OTULIN: variants seen among roughly 807,000 people sequenced by gnomAD.
OTULIN encodes OTU deubiquitinase with linear linkage specificity.
OTULIN carries 15 observed loss-of-function variants against 39.6 expected under a neutral mutation model. The ratio of observed to expected loss-of-function variants is 0.38; its 90% confidence interval spans 0.25 to 0.58. The LOEUF (loss-of-function observed/expected upper bound fraction) is 0.58, where lower values mean the gene tolerates loss of function less well. Ranked by LOEUF, OTULIN falls within the 20% of genes least tolerant of loss-of-function variation. The probability of loss-of-function intolerance (pLI) is 0.66; values close to 1 mark genes in which losing one functional copy is unlikely to be tolerated. For missense variants in OTULIN, 319 were observed against 445.9 expected, an observed-to-expected ratio of 0.72 and a Z score of 2.56; for synonymous variants, 156 against 170.3, an observed-to-expected ratio of 0.92 and a Z score of 0.65.
At chr5:14,689,893 T>G (rs1053191223) in intron 5 of OTULIN, 146 bp from the exon 6 acceptor site, 6 of 785,400 alleles carry the variant, frequency 7.6e-6, no homozygotes, top group Non-Finnish European at 1.2e-5. Flanking sequence ...AGTGTACCAT[T>G]TGTTAATCTG....
chr5:14,712,952 G>A, the OTULIN span: 29 of 1,613,088 alleles, frequency 1.8e-5, no homozygotes, highest in East Asian at 2.2e-5. Context: ...GGGAGCCCAC[G>A]CCCAGGGTCG....
chr5:14,672,630 T>C (rs1736007151), intron 1 of OTULIN, among the ~76,000 whole-genome samples: 1 of 152,094 alleles, frequency 6.6e-6, no homozygotes, highest in Non-Finnish European at 1.5e-5. Flanking sequence ...TATGTGAAGG[T>C]CAGCTAGTCT....
the OTULIN span, among the ~76,000 whole-genome samples, chr5:14,714,610 G>C: frequency 6.6e-6 from 1 of 152,174 alleles, no homozygotes; most frequent in African/African-American, 2.4e-5. Context: ...CTTCCTCTGG[G>C]TGGAAGCCTT....
At chr5:14,714,199 A>AAT in the OTULIN span, among the ~76,000 whole-genome samples, 1 of 152,270 alleles carries the variant, frequency 6.6e-6, no homozygotes, top group African/African-American at 2.4e-5. Flanking sequence ...ACTTCCACCG[A>AAT]GGTCACTTCC....
rs765345138 is a variant in OTULIN at position 14,678,672 on chromosome 5, C to A, written c.230-9C>A. ...TATTTGCTTTTTTTTTTTTTAAATT[C>A]TTTAACAGAACCGAGATTAAGCGTA... On this transcript the variant is annotated splice_polypyrimidine_tract_variant and intron_variant, in intron 2 of 6. Coordinates refer to ENST00000284274, the MANE Select transcript of OTULIN (RefSeq NM_138348.6). 12 of 1,458,866 alleles carry A rather than the reference C, an allele frequency of 8.2e-6. No individual in the cohort carries two copies. The highest frequency in any genetic ancestry group is 2.5e-5 in the East Asian group (1 of 40,694). 90.4% of individuals were successfully genotyped at this position (1,458,866 alleles called of 1,614,324 possible).
chr5:14,709,897 ATATATT>A, the OTULIN span: 4 of 152,632 alleles, frequency 2.6e-5, no homozygotes, highest in Admixed American at 6.5e-5. Flanking sequence ...CATATACAGC[ATATATT>A]TATATCTTTA....
At chr5:14,713,526 A>T in the OTULIN span, 1 of 1,613,892 alleles carries the variant, frequency 6.2e-7, no homozygotes, top group Non-Finnish European at 8.5e-7. This position sits in a 1 kb window ranked among gnomAD's most constrained non-coding sequence, Gnocchi z 4.4. Flanking sequence ...CACAGCCCCA[A>T]ACTCCCTGAC....
intron 4 of OTULIN, among the ~76,000 whole-genome samples, chr5:14,683,456 G>A (rs935444877): frequency 6.6e-6 from 1 of 152,206 alleles, no homozygotes; most frequent in Non-Finnish European, 1.5e-5. Flanking sequence ...GTTGGCGAAA[G>A]CATTCCTATG....
the OTULIN span, chr5:14,709,948 A>T: frequency 6.6e-6 from 1 of 152,284 alleles, no homozygotes; most frequent in African/African-American, 2.4e-5. Flanking sequence ...TCAGTCTAGG[A>T]ATTCTGACTA....
In OTULIN at chr5:14,693,303, TC is replaced by T. The variant is rs1479017125; in HGVS notation, c.*256del. 1.1e-5 allele frequency: 4 copies of T among 353,384 alleles called. No homozygotes were observed. The highest frequency in any genetic ancestry group is 2.0e-5 in the Non-Finnish European group (4 of 196,670). The allele number at this position is 353,384 out of a possible 1,614,324, so 21.9% of individuals were successfully genotyped here. A position where few individuals can be genotyped will look rare whatever the true frequency, so the allele number is the denominator to read the frequency against. ...CACCTGTTGGACGGTGCAAACCATA[TC>T]TTCTCCAGAAGGCAAATACTTTTGT... On this transcript the variant is annotated 3_prime_UTR_variant, in exon 7 of 7. Transcript: ENST00000284274.
chr5:14,713,516 C>G, the OTULIN span: 1 of 1,613,576 alleles, frequency 6.2e-7, no homozygotes. This position sits in a 1 kb window ranked among gnomAD's most constrained non-coding sequence, Gnocchi z 4.4. Flanking sequence ...CAGAAGGACC[C>G]ACAGCCCCAA....
downstream of OTULIN, among the ~76,000 whole-genome samples, chr5:14,700,298 T>G (rs1230939064): frequency 6.6e-6 from 1 of 152,024 alleles, no homozygotes; most frequent in Non-Finnish European, 1.5e-5. Context: ...TCACTCAGAG[T>G]ATTTTAGTTC....
chr5:14,679,361 G>C (rs76024344), intron 3 of OTULIN, among the ~76,000 whole-genome samples: 1,730 of 152,266 alleles, frequency 0.011, 31 homozygotes, highest in African/African-American at 0.04. Flanking sequence ...CCACACAGCT[G>C]ATCAAGCAGC....
intron 5 of OTULIN, among the ~76,000 whole-genome samples, chr5:14,689,629 G>T (rs1042971523): frequency 6.6e-6 from 1 of 152,174 alleles, no homozygotes; most frequent in Non-Finnish European, 1.5e-5. Context: ...ATTTAGGAGG[G>T]TTGGCTTTGT....
At chr5:14,668,654 T>G (rs556651767) in intron 1 of OTULIN, among the ~76,000 whole-genome samples, 4 of 152,202 alleles carry the variant, frequency 2.6e-5, no homozygotes, top group Non-Finnish European at 5.9e-5. Flanking sequence ...GAGAGTTGAA[T>G]TAAAAAAAGC....
chr5:14,711,196 C>T, the OTULIN span: 3 of 1,613,518 alleles, frequency 1.9e-6, no homozygotes, highest in Non-Finnish European at 2.5e-6. Flanking sequence ...CGTCCCGTGC[C>T]TTATTCATTC....
chr5:14,685,226 AT>A lies in OTULIN; in HGVS notation c.469-2290del, dbSNP rs1409664303. Among the ~76,000 whole-genome samples the A allele has an allele frequency of 3.3e-5, 5 of 152,316 alleles. No individual in the cohort carries two copies. The South Asian group carries it at 6.2e-4, about 19-fold the overall frequency. On this transcript the variant is annotated intron_variant, in intron 4 of 6. Coordinates refer to ENST00000284274, the MANE Select transcript of OTULIN (RefSeq NM_138348.6). The stretch of plus-strand genomic sequence containing the variant: ...TTTTTGTAAGTTTTGGGGATGACAC[AT>A]TTTTATTATTTGCTTTCTGTTGTGG...
downstream of OTULIN, among the ~76,000 whole-genome samples, chr5:14,702,266 G>GAGTA (rs1561009264): frequency 1.3e-5 from 2 of 151,976 alleles, no homozygotes. Context: ...AGGAAAGAGT[G>GAGTA]TACAGGGATG....
the OTULIN span, among the ~76,000 whole-genome samples, chr5:14,712,600 A>T: frequency 0.94 from 143,896 of 152,358 alleles, 68,088 homozygotes; most frequent in African/African-American, 0.99. Flanking sequence ...CGCCCCATCT[A>T]CGCTGGCTTT....
Sources: allele counts gnomAD v4.1 joint callset (sites outside exome capture counted in the v4.1 genomes callset), GRCh38; gene constraint gnomAD v4.1.1; non-coding constraint Gnocchi (gnomAD v3.1); transcripts MANE v1.5; gene names NCBI Gene and HGNC (gene_info 2026-07-23, HGNC 2026-07-21).